SRGAP3: variants seen among roughly 807,000 people sequenced by gnomAD.
The protein encoded by SRGAP3 is SLIT-ROBO Rho GTPase activating protein 3, also known as SLIT-ROBO Rho GTPase-activating protein 3.
In SRGAP3, 39 loss-of-function variants were observed where a neutral mutation model predicts 121.1. That is an observed-to-expected ratio of 0.32 (90% CI 0.25 to 0.42). SRGAP3 has a LOEUF of 0.42. SRGAP3 is among the 10% of genes least tolerant of loss of function. The probability of loss-of-function intolerance (pLI) is 1.00; values close to 1 mark genes in which losing one functional copy is unlikely to be tolerated. For synonymous variants in SRGAP3, 601 were observed against 570.0 expected (o/e 1.05, Z -0.77); for missense variants, 1,213 against 1,470.6 (o/e 0.82, Z 2.86).
intron 1 of SRGAP3, among the ~76,000 whole-genome samples, chr3:9,159,719 C>A (rs538008415): frequency 6.6e-6 from 1 of 152,288 alleles, no homozygotes; most frequent in East Asian, 1.9e-4. Flanking sequence ...AGACAATATG[C>A]CCCTGAGAGT....
intron 1 of SRGAP3, among the ~76,000 whole-genome samples, chr3:9,204,643 C>T (rs1952197693): frequency 1.1e-5 from 1 of 89,124 alleles, no homozygotes; most frequent in South Asian, 4.2e-4. Context: ...ACCAACTCTC[C>T]CTAAGGTCTT....
At chr3:9,189,237 G>A (rs559864624) in intron 1 of SRGAP3, among the ~76,000 whole-genome samples, 3 of 152,284 alleles carry the variant, frequency 2.0e-5, no homozygotes, top group South Asian at 2.1e-4. Context: ...ATCCAAAGCC[G>A]GGGATGAGAT....
At chr3:9,196,128 G>C (rs1438462577) in intron 1 of SRGAP3, among the ~76,000 whole-genome samples, 1 of 152,212 alleles carries the variant, frequency 6.6e-6, no homozygotes, top group Non-Finnish European at 1.5e-5. Context: ...ATGAAAGCCA[G>C]GAACCCTCCA....
chr3:9,153,850 G>A (rs898955256), intron 1 of SRGAP3, among the ~76,000 whole-genome samples: 6 of 152,184 alleles, frequency 3.9e-5, no homozygotes, highest in South Asian at 2.1e-4. Context: ...TTTAGGGACT[G>A]TGGCCCGACA....
intron 1 of SRGAP3, among the ~76,000 whole-genome samples, chr3:9,190,656 T>C (rs1003028123): frequency 6.6e-6 from 1 of 152,212 alleles, no homozygotes; most frequent in Non-Finnish European, 1.5e-5. Flanking sequence ...TTTGTTTCAT[T>C]AGGTTTTAGT....
intron 1 of SRGAP3, among the ~76,000 whole-genome samples, chr3:9,333,045 T>C (rs1171962425): frequency 1.3e-5 from 2 of 152,190 alleles, no homozygotes; most frequent in Non-Finnish European, 2.9e-5. Context: ...CGCTAGCTTC[T>C]TGACAGAATG....
At chr3:9,339,423 T>A (rs1418409974) in intron 1 of SRGAP3, among the ~76,000 whole-genome samples, 1 of 152,194 alleles carries the variant, frequency 6.6e-6, no homozygotes, top group African/African-American at 2.4e-5. Flanking sequence ...GGTTCATGCA[T>A]AAAAGGGACT....
At chr3:9,020,320 T>C (rs1214180263) in intron 14 of SRGAP3, among the ~76,000 whole-genome samples, 2 of 152,124 alleles carry the variant, frequency 1.3e-5, no homozygotes, top group African/African-American at 4.8e-5. Context: ...CAACCTTTTT[T>C]TTTTCTCAGT....
intron 3 of SRGAP3, among the ~76,000 whole-genome samples, chr3:9,322,472 C>T (rs769617196): frequency 1.3e-4 from 20 of 151,810 alleles, no homozygotes; most frequent in Non-Finnish European, 2.2e-4. Context: ...TGCCAGTCCC[C>T]GTGGCCTATT....
chr3:9,256,166 G>A (rs553359787), intron 3 of SRGAP3, among the ~76,000 whole-genome samples: 21 of 152,012 alleles, frequency 1.4e-4, no homozygotes, highest in African/African-American at 4.6e-4. Flanking sequence ...GACCTGTCAC[G>A]GAGCTGCTGG....
intron 1 of SRGAP3, among the ~76,000 whole-genome samples, chr3:9,347,906 GAA>G (rs1388227443): frequency 6.6e-6 from 1 of 152,236 alleles, no homozygotes; most frequent in Non-Finnish European, 1.5e-5. Context: ...TGGAGGAAGA[GAA>G]GAGAAAATTG....
intron 3 of SRGAP3, among the ~76,000 whole-genome samples, chr3:9,286,647 G>A (rs1373536642): frequency 6.6e-6 from 1 of 152,072 alleles, no homozygotes; most frequent in African/African-American, 2.4e-5. Flanking sequence ...CTGTCGCCCA[G>A]GCTGGAGTGC....
chr3:8,997,822 G>C (rs1040031835), intron 18 of SRGAP3, among the ~76,000 whole-genome samples: 9 of 151,542 alleles, frequency 5.9e-5, no homozygotes, highest in African/African-American at 1.9e-4. Context: ...TTTAAATTAA[G>C]TTATAAACAT....
At chr3:9,152,023 C>A (rs544250768) in intron 1 of SRGAP3, among the ~76,000 whole-genome samples, 31 of 152,206 alleles carry the variant, frequency 2.0e-4, no homozygotes, top group African/African-American at 6.8e-4. Context: ...CCAACCTCTG[C>A]CTTAATGGTG....
intron 3 of SRGAP3, among the ~76,000 whole-genome samples, chr3:9,256,510 C>A (rs550916624): frequency 6.6e-6 from 1 of 151,884 alleles, no homozygotes; most frequent in South Asian, 2.1e-4. Flanking sequence ...CCATGTCCTG[C>A]AATCTAGCTT....
intron 3 of SRGAP3, among the ~76,000 whole-genome samples, chr3:9,274,930 G>T (rs759649589): frequency 2.0e-5 from 3 of 151,404 alleles, no homozygotes; most frequent in African/African-American, 4.9e-5. Context: ...GATTTTATGG[G>T]CACAGGATGG....
chr3:9,204,033 C>T (rs1952174503), intron 1 of SRGAP3, among the ~76,000 whole-genome samples: 1 of 152,152 alleles, frequency 6.6e-6, no homozygotes, highest in Non-Finnish European at 1.5e-5. Context: ...TACAGTTTGA[C>T]ACCCTAGGAA....
At chr3:9,274,113 G>C (rs1213895192) in intron 3 of SRGAP3, among the ~76,000 whole-genome samples, 1 of 152,104 alleles carries the variant, frequency 6.6e-6, no homozygotes, top group African/African-American at 2.4e-5. Context: ...AGCTATCTTT[G>C]TCACCTCAGT....
At chr3:9,060,128 G>A (rs755189045) in intron 6 of SRGAP3, 103 bp downstream of exon 6, 29 of 1,578,774 alleles carry the variant, frequency 1.8e-5, no homozygotes, top group South Asian at 4.5e-5. Flanking sequence ...GTGGCTACCC[G>A]AGAATGTCAG....
Sources: gnomAD v4.1 joint callset for allele counts (sites outside exome capture counted in the v4.1 genomes callset) on GRCh38, gnomAD v4.1.1 for gene constraint, MANE v1.5 for transcripts, NCBI Gene and HGNC (gene_info 2026-07-23, HGNC 2026-07-21) for gene names.